Variants in DLG2 observed in about 807,000 individuals in gnomAD.
DLG2 encodes disks large homolog 2.
A neutral mutation model predicts 132.5 loss-of-function variants in DLG2; 45 were observed. That is an observed-to-expected ratio of 0.34 (90% confidence interval 0.27 to 0.44). The LOEUF (loss-of-function observed/expected upper bound fraction) is 0.44. Ranked by LOEUF, DLG2 falls within the 20% of genes least tolerant of loss-of-function variation. The probability of loss-of-function intolerance (pLI) is 1.00; values close to 1 mark genes in which losing one functional copy is unlikely to be tolerated. For synonymous variants in DLG2, 424 were observed against 419.6 expected (o/e 1.01, Z -0.13); for missense variants, 1,045 against 1,196.9 (o/e 0.87, Z 1.87).
At chr11:84,516,113 T>C (rs1461449272) in intron 7 of DLG2, among the ~76,000 whole-genome samples, 2 of 138,616 alleles carry the variant, frequency 1.4e-5, no homozygotes, top group East Asian at 4.0e-4. Flanking sequence ...TTTATAGCAA[T>C]AAATGTCTAC....
chr11:84,698,940 T>A (rs1254896181), intron 6 of DLG2, among the ~76,000 whole-genome samples: 1 of 151,608 alleles, frequency 6.6e-6, no homozygotes, highest in Non-Finnish European at 1.5e-5. Flanking sequence ...CAATCTTCAC[T>A]GCGTTGCTAT....
chr11:85,465,016 G>A (rs766782708), intron 3 of DLG2, among the ~76,000 whole-genome samples: 2 of 127,526 alleles, frequency 1.6e-5, no homozygotes, highest in Non-Finnish European at 3.2e-5. Flanking sequence ...GGAGGTTGTA[G>A]TGAGCCAAGA....
chr11:84,295,799 C>T (rs2098082011), intron 7 of DLG2, among the ~76,000 whole-genome samples: 1 of 152,124 alleles, frequency 6.6e-6, no homozygotes, highest in South Asian at 2.1e-4. Flanking sequence ...ATATAATCTG[C>T]CACTATAATA....
chr11:84,401,291 C>G (rs2098828505), intron 7 of DLG2, among the ~76,000 whole-genome samples: 2 of 152,138 alleles, frequency 1.3e-5, no homozygotes. Flanking sequence ...CTCAAAACCC[C>G]CTGTACTTTT....
chr11:85,514,702 T>C (rs542905181), intron 3 of DLG2, among the ~76,000 whole-genome samples: 1 of 152,058 alleles, frequency 6.6e-6, no homozygotes, highest in South Asian at 2.1e-4. Flanking sequence ...TAAATAGATG[T>C]TTAAATCTTT....
At chr11:84,817,063 T>C (rs1027869081) in intron 6 of DLG2, among the ~76,000 whole-genome samples, 2 of 152,112 alleles carry the variant, frequency 1.3e-5, no homozygotes, top group African/African-American at 4.8e-5. Flanking sequence ...TGAAAGTAAT[T>C]TGTAAACTGT....
rs185354791 is a variant in DLG2, at chr11:85,322,286, T to C, written c.41-36921A>G. Reference sequence around the variant, plus strand: ...CATTCAGCTTATATTCCTTGGTCCATCACTTCAGTCACTCTCTCATTAAGA... The same window carrying C: ...CATTCAGCTTATATTCCTTGGTCCACCACTTCAGTCACTCTCTCATTAAGA... On this transcript the variant is annotated intron_variant, in intron 3 of 27. Coordinates refer to ENST00000376104, the MANE Select transcript of DLG2 (RefSeq NM_001142699.3). 1.8e-4 allele frequency among the ~76,000 whole-genome samples: 28 copies of C among 152,248 alleles called. No homozygotes were observed. In the East Asian group the frequency reaches 5.4e-3, roughly 29 times the overall value.
At chr11:84,801,417 A>C (rs1379753948) in intron 6 of DLG2, among the ~76,000 whole-genome samples, 1 of 152,120 alleles carries the variant, frequency 6.6e-6, no homozygotes, top group Non-Finnish European at 1.5e-5. Context: ...AAAAAATACG[A>C]AAAACTAGCC....
At chr11:83,985,318 T>A (rs1278309656) in intron 11 of DLG2, among the ~76,000 whole-genome samples, 1 of 152,096 alleles carries the variant, frequency 6.6e-6, no homozygotes, top group Non-Finnish European at 1.5e-5. Flanking sequence ...CACACTTGCA[T>A]CCTTGACGTT....
intron 7 of DLG2, among the ~76,000 whole-genome samples, chr11:84,347,485 A>T: frequency 6.6e-6 from 1 of 152,278 alleles, no homozygotes; most frequent in East Asian, 1.9e-4. Context: ...TCTCCACTAT[A>T]GGTTCTGGAA....
At chr11:83,526,930 C>A (rs2140856753) in intron 21 of DLG2, among the ~76,000 whole-genome samples, 1 of 152,248 alleles carries the variant, frequency 6.6e-6, no homozygotes, top group East Asian at 1.9e-4. Context: ...CTCATTCTGT[C>A]CCCCAGAAGA....
intron 17 of DLG2, among the ~76,000 whole-genome samples, chr11:83,819,910 G>A (rs937750847): frequency 2.6e-5 from 4 of 151,852 alleles, no homozygotes; most frequent in Non-Finnish European, 4.4e-5. Flanking sequence ...GATTCCTAGT[G>A]GTTTCTTATG....
In DLG2 at chr11:85,049,928, A is replaced by T. The variant is rs2062732880; in HGVS notation, c.357+61733T>A. On this transcript the variant is annotated intron_variant, in intron 6 of 27. Transcript: ENST00000376104. Reference sequence around the variant, plus strand: ...TATCTAATATATTGCCAGATTTCTCATTCCCTTTCCAATAATTTACCTAAT... The same window carrying T: ...TATCTAATATATTGCCAGATTTCTCTTTCCCTTTCCAATAATTTACCTAAT... Among the ~76,000 whole-genome samples, 3 of 152,110 alleles carry T rather than the reference A, an allele frequency of 2.0e-5. No homozygotes were observed. In the South Asian group the frequency reaches 6.2e-4, roughly 31 times the overall value.
rs1381830756 is a variant in DLG2, at chr11:83,497,068, G to T, written c.2194-12840C>A. ...CAGGTAACATGTTACTTTCATTTTG[G>T]TATCTCTGGGATTGAGAGCATGACA... On this transcript the variant is annotated intron_variant, in intron 21 of 27. Transcript: ENST00000376104. 1.3e-5 allele frequency among the ~76,000 whole-genome samples: 2 copies of T among 152,056 alleles called. 1 individual carries two copies. Among genetic ancestry groups the T allele is most frequent in the South Asian group, 4.2e-4 (2 of 4,818 alleles).
chr11:84,714,728 C>T (rs1282510813), intron 6 of DLG2, among the ~76,000 whole-genome samples: 2 of 149,114 alleles, frequency 1.3e-5, no homozygotes, highest in Non-Finnish European at 3.0e-5. Flanking sequence ...TCCTATCATT[C>T]TGTTCTATTT....
chr11:83,708,628 A>AT (rs149368323), intron 18 of DLG2, among the ~76,000 whole-genome samples: 1,751 of 152,264 alleles, frequency 0.011, 48 homozygotes, highest in African/African-American at 0.04. Context: ...ATATGTTGCC[A>AT]TTTTTTTAAA....
At position 85,285,357 on chromosome 11, in the gene DLG2, C is replaced by G. The variant is rs2078488853; in HGVS notation, c.49G>C (p.Glu17Gln). 6.2e-7 allele frequency: 1 copy of G among 1,609,998 alleles called. No individual in the cohort carries two copies. The highest frequency in any genetic ancestry group is 8.5e-7 in the Non-Finnish European group (1 of 1,177,948). Residue 17 changes from glutamate (E) to glutamine (Q), a missense_variant, in exon 4 of 28, where the codon GAA becomes CAA. Around this residue, in one of 4 missense-constraint regions of DLG2, gnomAD observed 277 missense variants for 238.2 expected, o/e 1.16. Coordinates refer to ENST00000376104, the MANE Select transcript of DLG2 (RefSeq NM_001142699.3). ...SLFQALLDIQ[E>Q]FYEVTLLNSQ... ...TTTAGCAATGTCACCTCATAAAATT[C>G]TTGGATATCTGTAAAGAAAATGTAA...
chr11:83,635,238 C>T (rs1028246278), intron 18 of DLG2, among the ~76,000 whole-genome samples: 2 of 151,988 alleles, frequency 1.3e-5, no homozygotes, highest in Non-Finnish European at 2.9e-5. Flanking sequence ...GAGACCCTGT[C>T]TTTATTTAAA....
At chr11:84,973,962 CA>C (rs1232672571) in intron 6 of DLG2, among the ~76,000 whole-genome samples, 5 of 152,200 alleles carry the variant, frequency 3.3e-5, no homozygotes, top group Admixed American at 3.3e-4. Flanking sequence ...AGAAGTTCAG[CA>C]AGCTGTATTT....
Sources: allele counts gnomAD v4.1 joint callset (sites outside exome capture counted in the v4.1 genomes callset), GRCh38; gene constraint gnomAD v4.1.1; regional missense constraint gnomAD v4.1.1; transcripts MANE v1.5; gene names NCBI Gene and HGNC (gene_info 2026-07-23, HGNC 2026-07-21).